The following LEMD3 variants were observed in gnomAD, a reference collection of about 807,000 sequenced individuals.
LEMD3 encodes inner nuclear membrane protein Man1.
LEMD3 carries 33 observed loss-of-function variants against 95.2 expected under a neutral mutation model. The ratio of observed to expected loss-of-function variants is 0.35; its 90% CI spans 0.26 to 0.46. The LOEUF is 0.46. Among genes scored for constraint, LEMD3 ranks in the 20% least tolerant of loss-of-function variants. The pLI, the probability that LEMD3 is intolerant of heterozygous loss-of-function variation, is 1.00. For synonymous variants in LEMD3, 525 were observed against 474.6 expected (o/e 1.11, Z -1.38); for missense variants, 1,210 against 1,192.8 (o/e 1.01, Z -0.21).
chr12:65,221,573 A>C (rs1870289903), intron 4 of LEMD3, among the ~76,000 whole-genome samples: 1 of 151,966 alleles, frequency 6.6e-6, no homozygotes. Context: ...GTATAAGATT[A>C]TGTCACTTGC....
chr12:65,189,103 A>G (rs984570792), intron 1 of LEMD3, among the ~76,000 whole-genome samples: 3 of 152,204 alleles, frequency 2.0e-5, no homozygotes, highest in Non-Finnish European at 4.4e-5. Context: ...GATTAAAACA[A>G]TAACCCAATG....
At position 65,202,662 on chromosome 12, in the gene LEMD3, T is replaced by C. The variant is rs530431557; in HGVS notation, c.1523-8264T>C. On this transcript the variant is annotated intron_variant, in intron 1 of 12. Transcript: ENST00000308330. Reference sequence around the variant, plus strand: ...TGGTATAAGTTTTTCTTTAAATCTTTGGAAGAATTCTCCATCTGGGCCTGG... The same window carrying C: ...TGGTATAAGTTTTTCTTTAAATCTTCGGAAGAATTCTCCATCTGGGCCTGG... Among the ~76,000 whole-genome samples the C allele has an allele frequency of 2.0e-3, 311 of 152,286 alleles. 5 individuals carry two copies. The South Asian group carries it at 0.025, about 12-fold the overall frequency.
At chr12:65,185,050 T>G (rs969882641) in intron 1 of LEMD3, among the ~76,000 whole-genome samples, 4 of 152,084 alleles carry the variant, frequency 2.6e-5, no homozygotes. Context: ...ACTCGGGCCT[T>G]GGGCTCAAGT....
In LEMD3 at chr12:65,246,406, T is replaced by G; in HGVS notation, c.*81T>G. ...GCTTTTTGTCTTCCTTTTTAAATGC[T>G]TTTTGTATGTAATATTTTTATTGAT... is the stretch of plus-strand genomic sequence containing the variant. On this transcript the variant is annotated 3_prime_UTR_variant, in exon 13 of 13. Coordinates refer to ENST00000308330, the MANE Select transcript of LEMD3 (RefSeq NM_014319.5). The G allele has an allele frequency of 9.3e-7, 1 of 1,070,006 alleles. No homozygotes were observed. Among genetic ancestry groups the G allele is most frequent in the Non-Finnish European group, 1.4e-6 (1 of 694,556 alleles). 66.3% of individuals were successfully genotyped at this position (1,070,006 alleles called of 1,614,324 possible).
intron 1 of LEMD3, among the ~76,000 whole-genome samples, chr12:65,191,884 C>T (rs1282761050): frequency 1.5e-5 from 2 of 132,264 alleles, no homozygotes; most frequent in African/African-American, 5.9e-5. Context: ...GAAATCGCAC[C>T]ATTGCATTCA....
intron 4 of LEMD3, among the ~76,000 whole-genome samples, chr12:65,225,675 A>G (rs1381130288): frequency 6.6e-6 from 1 of 151,938 alleles, no homozygotes; most frequent in Non-Finnish European, 1.5e-5. Flanking sequence ...CTGCCTCCCT[A>G]GTTCAAGCGA....
At chr12:65,224,267 G>A (rs1026821972) in intron 4 of LEMD3, among the ~76,000 whole-genome samples, 14 of 152,038 alleles carry the variant, frequency 9.2e-5, no homozygotes, top group Admixed American at 9.2e-4. Context: ...AGTCACTTTA[G>A]CATTTCTTGT....
rs566931520 is a variant in LEMD3 at position 65,205,917 on chromosome 12, A to G, written c.1523-5009A>G. Among the ~76,000 whole-genome samples the G allele has an allele frequency of 1.8e-4, 28 of 152,286 alleles. No homozygotes were observed. In the East Asian group the frequency reaches 3.1e-3, roughly 17 times the overall value. ...TTCATAATTTGTTAAGTATACATCA[A>G]GGGAACTGTTCCTGTCATCTAGAAT... On this transcript the variant is annotated intron_variant, in intron 1 of 12. Transcript: ENST00000308330.
chr12:65,175,392 C>T (rs575251205), intron 1 of LEMD3, among the ~76,000 whole-genome samples: 1 of 152,214 alleles, frequency 6.6e-6, no homozygotes, highest in South Asian at 2.1e-4. Flanking sequence ...CTAGTTGTTA[C>T]TCTTCTCAAA....
intron 4 of LEMD3, among the ~76,000 whole-genome samples, chr12:65,230,684 A>G (rs1870598360): frequency 6.6e-6 from 1 of 152,152 alleles, no homozygotes; most frequent in African/African-American, 2.4e-5. Context: ...TTCCACATTA[A>G]CATCATGTCA....
chr12:65,174,152 A>C (rs1016075662), intron 1 of LEMD3, among the ~76,000 whole-genome samples: 24 of 152,206 alleles, frequency 1.6e-4, no homozygotes, highest in African/African-American at 5.3e-4. Context: ...ATAGTAGATT[A>C]GTCTTTTAAA....
intron 1 of LEMD3, among the ~76,000 whole-genome samples, chr12:65,185,710 A>G (rs911319935): frequency 6.6e-6 from 1 of 151,268 alleles, no homozygotes; most frequent in African/African-American, 2.4e-5. Context: ...TTTATTTTCA[A>G]GACATTCATA....
intron 1 of LEMD3, among the ~76,000 whole-genome samples, chr12:65,198,340 A>G (rs932963894): frequency 6.6e-6 from 1 of 152,160 alleles, no homozygotes; most frequent in Non-Finnish European, 1.5e-5. Context: ...ATAGATTTGT[A>G]TCTAACCTTT....
At chr12:65,194,898 AAAAT>A (rs201411009) in intron 1 of LEMD3, among the ~76,000 whole-genome samples, 1,501 of 38,816 alleles carry the variant, frequency 0.039, 75 homozygotes, top group East Asian at 0.24. Context: ...AAATTAAAAT[AAAAT>A]AATTATTAAA....
Position 65,246,250 on chromosome 12 carries a change from A to T in LEMD3, c.2661A>T (p.Pro887=). ...TCACTTCCAACACTCCATTGAAGCCATCAAATAAACATATGAACTCCATGT... is the reference window on the plus strand; with the variant it reads ...TCACTTCCAACACTCCATTGAAGCCTTCAAATAAACATATGAACTCCATGT... ...QALTSNTPLK[P]SNKHMNSMSH... is the part of the protein sequence containing the mutation. The change falls in exon 13 of 13, where the codon CCA becomes CCT. Residue 887 remains proline, a synonymous_variant. Transcript: ENST00000308330. The T allele has an allele frequency of 6.2e-7, 1 of 1,613,380 alleles. No individual in the cohort carries two copies. The highest frequency in any genetic ancestry group is 8.5e-7 in the Non-Finnish European group (1 of 1,179,374).
At chr12:65,217,032 C>A (rs1244246551) in intron 3 of LEMD3, among the ~76,000 whole-genome samples, 1 of 152,166 alleles carries the variant, frequency 6.6e-6, no homozygotes, top group Non-Finnish European at 1.5e-5. Flanking sequence ...ATATTGCTAA[C>A]ACAAGCTTCT....
chr12:65,227,088 T>C (rs1870470456), intron 4 of LEMD3, among the ~76,000 whole-genome samples: 1 of 152,140 alleles, frequency 6.6e-6, no homozygotes, highest in Non-Finnish European at 1.5e-5. Context: ...ATTATAGGGC[T>C]CAGTGTTATG....
intron 9 of LEMD3, among the ~76,000 whole-genome samples, chr12:65,242,366 A>G (rs1870963533): frequency 6.6e-6 from 1 of 151,878 alleles, no homozygotes; most frequent in African/African-American, 2.4e-5. Context: ...GCTGTGACTT[A>G]ATTTACCATA....
chr12:65,189,991 C>A (rs1444833114), intron 1 of LEMD3, among the ~76,000 whole-genome samples: 3 of 152,056 alleles, frequency 2.0e-5, no homozygotes, highest in African/African-American at 7.2e-5. Flanking sequence ...GCCAGGAAAC[C>A]CTTAAAGCCT....
Sources: allele counts gnomAD v4.1 joint callset (sites outside exome capture counted in the v4.1 genomes callset), GRCh38; gene constraint gnomAD v4.1.1; transcripts MANE v1.5; gene names NCBI Gene and HGNC (gene_info 2026-07-23, HGNC 2026-07-21).